SLC14A2: variants seen among roughly 807,000 people sequenced by gnomAD.
SLC14A2 encodes solute carrier family 14 member 2, also known as urea transporter 2.
In SLC14A2, 91 loss-of-function variants were observed where a neutral mutation model predicts 104.6. That is an observed-to-expected ratio of 0.87 (90% confidence interval 0.73 to 1.04). SLC14A2 has a LOEUF of 1.04. Ranked by LOEUF, SLC14A2 falls within the 50% of genes least tolerant of loss-of-function variation. The probability of loss-of-function intolerance (pLI) is 0.00; values close to 1 mark genes in which losing one functional copy is unlikely to be tolerated. For missense variants in SLC14A2, 1,189 were observed against 1,156.0 expected (o/e 1.03, Z -0.41); for synonymous variants, 476 against 466.4 (o/e 1.02, Z -0.27).
At chr18:45,617,537 G>GCCGGCACTCAGCCAGGCTCTTATACAAC (rs2045092200) in intron 1 of SLC14A2, among the ~76,000 whole-genome samples, 1 of 152,032 alleles carries the variant, frequency 6.6e-6, no homozygotes, top group African/African-American at 2.4e-5. Context: ...CCTAATAAAA[G>GCCGGCACTCAGCCAGGCTCTTATACAAC]CCGGCACTCA....
chr18:45,615,781 A>G (rs1193139121), intron 1 of SLC14A2, among the ~76,000 whole-genome samples, 199 bp downstream of exon 1: 1 of 151,940 alleles, frequency 6.6e-6, no homozygotes, highest in African/African-American at 2.4e-5. Flanking sequence ...GCTTGTGTAT[A>G]TAAGTATGTG....
chr18:45,230,936 T>A (rs1182954698), intron 1 of SLC14A2, among the ~76,000 whole-genome samples: 2 of 152,216 alleles, frequency 1.3e-5, no homozygotes, highest in Non-Finnish European at 2.9e-5. Context: ...GGAAAAATAT[T>A]TTTTGAGCCC....
intron 1 of SLC14A2, among the ~76,000 whole-genome samples, chr18:45,314,007 T>TG (rs900465444): frequency 6.6e-4 from 100 of 152,214 alleles, no homozygotes; most frequent in African/African-American, 2.2e-3. Context: ...ATCCGTGCAA[T>TG]GGCAGGAAGC....
intron 2 of SLC14A2, among the ~76,000 whole-genome samples, chr18:45,590,854 C>T (rs1424929749): frequency 6.6e-6 from 1 of 152,230 alleles, no homozygotes; most frequent in Non-Finnish European, 1.5e-5. Context: ...GATTAAATCA[C>T]TTCATCCTAA....
chr18:45,188,057 G>A, the SLC14A2 span, among the ~76,000 whole-genome samples: 90 of 152,184 alleles, frequency 5.9e-4, 1 homozygote, highest in African/African-American at 2.1e-3. Context: ...CAAATTTCCC[G>A]GTTGGGAGGG....
intron 1 of SLC14A2, among the ~76,000 whole-genome samples, chr18:45,417,621 C>T (rs1269889436): frequency 6.6e-6 from 1 of 152,136 alleles, no homozygotes; most frequent in African/African-American, 2.4e-5. Context: ...CAATTACCTC[C>T]CACCAGGTCC....
chr18:45,286,643 A>T (rs915390172), intron 1 of SLC14A2, among the ~76,000 whole-genome samples: 1 of 152,088 alleles, frequency 6.6e-6, no homozygotes, highest in African/African-American at 2.4e-5. Flanking sequence ...AATGTTCCCA[A>T]ATTCCTCTTT....
intron 1 of SLC14A2, among the ~76,000 whole-genome samples, chr18:45,415,253 T>C (rs889293159): frequency 2.0e-5 from 3 of 152,094 alleles, no homozygotes; most frequent in African/African-American, 7.2e-5. Context: ...TGGATCAGAA[T>C]TGAGACCTGG....
intron 1 of SLC14A2, among the ~76,000 whole-genome samples, chr18:45,245,171 C>G (rs577830324): frequency 3.9e-5 from 6 of 152,256 alleles, no homozygotes; most frequent in Admixed American, 1.3e-4. Context: ...GGCAATGGAG[C>G]AAACTTCTAA....
chr18:45,334,100 T>C (rs925300287), intron 1 of SLC14A2, among the ~76,000 whole-genome samples: 2 of 152,214 alleles, frequency 1.3e-5, no homozygotes, highest in African/African-American at 4.8e-5. Context: ...GTTGCTTTTG[T>C]TCCTTGAGGT....
chr18:45,295,505 G>A (rs1488986545), intron 1 of SLC14A2, among the ~76,000 whole-genome samples: 1 of 152,092 alleles, frequency 6.6e-6, no homozygotes, highest in Non-Finnish European at 1.5e-5. Flanking sequence ...CCGCTGAAGA[G>A]GAGAACTAGT....
intron 1 of SLC14A2, among the ~76,000 whole-genome samples, chr18:45,225,705 A>T (rs1357528227): frequency 6.6e-6 from 1 of 152,116 alleles, no homozygotes; most frequent in Non-Finnish European, 1.5e-5. Context: ...GGTCCTTCAC[A>T]TCCCTTGTAA....
intron 1 of SLC14A2, among the ~76,000 whole-genome samples, chr18:45,469,528 G>A (rs2852286): frequency 0.49 from 74,494 of 152,000 alleles, 18,809 homozygotes; most frequent in Admixed American, 0.61. Flanking sequence ...ACCTAATTAC[G>A]TGTGGGGAAT....
At chr18:45,509,277 A>T (rs905159009) in intron 2 of SLC14A2, among the ~76,000 whole-genome samples, 1 of 151,682 alleles carries the variant, frequency 6.6e-6, no homozygotes, top group Admixed American at 6.6e-5. Flanking sequence ...TACCTCAGTC[A>T]TCTCCTCCCT....
At chr18:45,662,986 G>T (rs994286832) in intron 10 of SLC14A2, among the ~76,000 whole-genome samples, 22 of 152,186 alleles carry the variant, frequency 1.4e-4, no homozygotes. Flanking sequence ...TATCCCAAGT[G>T]ATAAGAGTGC....
chr18:45,673,752 G>A lies in SLC14A2; in HGVS notation c.2447G>A (p.Cys816Tyr), dbSNP rs2046179886. Residue 816 changes from cysteine to tyrosine, a missense_variant, in exon 18 of 20, where the codon TGC becomes TAC. Cys to Tyr is a radical substitution (Grantham distance 194, BLOSUM62 -2). Coordinates refer to ENST00000255226, the MANE Select transcript of SLC14A2 (RefSeq NM_007163.4). ...GLCGFNSTLA[C>Y]IAIGGMFYVI... Reference sequence around the variant, plus strand: ...TGTGGCTTCAACAGCACCCTCGCATGCATAGCGATAGGAGGCATGTTCTAC... The same window carrying A: ...TGTGGCTTCAACAGCACCCTCGCATACATAGCGATAGGAGGCATGTTCTAC... 3.1e-6 allele frequency: 5 copies of A among 1,614,154 alleles called. No homozygotes were observed. The highest frequency in any genetic ancestry group is 4.2e-6 in the Non-Finnish European group (5 of 1,180,002).
intron 9 of SLC14A2, 68 bp from the exon 10 acceptor site, chr18:45,643,918 C>T (rs1356369179): frequency 1.4e-6 from 2 of 1,404,116 alleles, no homozygotes; most frequent in Middle Eastern, 1.8e-4. Flanking sequence ...CATCCTTCTC[C>T]CCCAGAGTCC....
the SLC14A2 span, among the ~76,000 whole-genome samples, chr18:45,180,430 G>A: frequency 1.8e-4 from 28 of 152,218 alleles, no homozygotes; most frequent in African/African-American, 6.5e-4. Context: ...TGTGGAAGTT[G>A]AAGTATAAAA....
Position 45,643,148 on chromosome 18 carries a change from C to T in SLC14A2, c.1143C>T (p.Tyr381=). Residue 381 remains tyrosine (Y), a synonymous_variant, in exon 9 of 20, where the codon TAC becomes TAT. Transcript: ENST00000255226. The part of the protein sequence containing the change: ...LALICALFCA[Y]MEAAISNIMS... ...CCTCCACAGCCCTGTTCTGTGCATA[C>T]ATGGAAGCAGCCATCTCCAACATCA... The T allele has an allele frequency of 6.2e-7, 1 of 1,614,170 alleles. No individual in the cohort carries two copies. The highest frequency in any genetic ancestry group is 8.5e-7 in the Non-Finnish European group (1 of 1,179,992).
Sources: allele counts gnomAD v4.1 joint callset (sites outside exome capture counted in the v4.1 genomes callset), GRCh38; gene constraint gnomAD v4.1.1; transcripts MANE v1.5; gene names NCBI Gene and HGNC (gene_info 2026-07-23, HGNC 2026-07-21).